The following DLGAP2 variants were observed in gnomAD, a reference collection of about 807,000 sequenced individuals.
The protein encoded by DLGAP2 is DLG associated protein 2, also known as disks large-associated protein 2.
A neutral mutation model predicts 100.3 loss-of-function variants in DLGAP2; 26 were observed. The ratio of observed to expected loss-of-function variants is 0.26; its 90% CI spans 0.19 to 0.36. DLGAP2 has a LOEUF of 0.36. Among genes scored for constraint, DLGAP2 ranks in the 10% least tolerant of loss-of-function variants. The probability of loss-of-function intolerance (pLI) is 1.00; values close to 1 mark genes in which losing one functional copy is unlikely to be tolerated. For synonymous variants in DLGAP2, 886 were observed against 630.1 expected (o/e 1.41, Z -6.08); for missense variants, 1,858 against 1,453.2 (o/e 1.28, Z -4.53).
intron 2 of DLGAP2, among the ~76,000 whole-genome samples, chr8:1,208,339 T>G (rs886549562): frequency 1.3e-5 from 2 of 152,194 alleles, no homozygotes; most frequent in East Asian, 3.8e-4. Context: ...CCGCTTATGT[T>G]TTTGTTTGGT....
At chr8:1,332,844 G>T (rs184117419) in intron 3 of DLGAP2, among the ~76,000 whole-genome samples, 1 of 152,286 alleles carries the variant, frequency 6.6e-6, no homozygotes, top group South Asian at 2.1e-4. Flanking sequence ...ATGAAAATAC[G>T]TGGGCTTCTT....
intron 2 of DLGAP2, chr8:927,228 C>T (rs1798835780): frequency 2.0e-6 from 2 of 985,228 alleles, no homozygotes; most frequent in Admixed American, 6.1e-5. Context: ...GAACATGATC[C>T]ATTATGGGGG....
chr8:1,617,354 A>G (rs183406472), intron 6 of DLGAP2, among the ~76,000 whole-genome samples: 1 of 152,282 alleles, frequency 6.6e-6, no homozygotes, highest in East Asian at 1.9e-4. Context: ...GCAGTGTATG[A>G]GCATTCCCTT....
intron 1 of DLGAP2, among the ~76,000 whole-genome samples, chr8:744,115 T>C (rs1820554623): frequency 6.6e-6 from 1 of 152,222 alleles, no homozygotes; most frequent in Admixed American, 6.5e-5. Context: ...GCCATCATCG[T>C]GGTTCTCTCA....
At chr8:806,845 A>T (rs181421046) in intron 1 of DLGAP2, among the ~76,000 whole-genome samples, 8 of 152,338 alleles carry the variant, frequency 5.3e-5, no homozygotes, top group East Asian at 3.9e-4. Flanking sequence ...ATAAAAGAAG[A>T]AGCATTAAAT....
intron 2 of DLGAP2, among the ~76,000 whole-genome samples, chr8:1,050,977 G>GGGGGCATTTTGTGGT (rs1802665183): frequency 3.6e-5 from 4 of 110,726 alleles, no homozygotes; most frequent in African/African-American, 7.3e-5. Flanking sequence ...TTCGTGGGTG[G>GGGGGCATTTTGTGGT]GGGTCATTTC....
intron 2 of DLGAP2, among the ~76,000 whole-genome samples, chr8:990,311 AC>A (rs1360918519): frequency 2.8e-5 from 4 of 145,082 alleles, no homozygotes; most frequent in African/African-American, 1.0e-4. Context: ...AGTGGCCCAG[AC>A]CCCCTGCACC....
intron 2 of DLGAP2, among the ~76,000 whole-genome samples, chr8:1,121,945 C>T (rs940242012): frequency 6.6e-6 from 1 of 152,218 alleles, no homozygotes; most frequent in African/African-American, 2.4e-5. Context: ...GGGAGACAGA[C>T]CCTCCTAGGT....
At chr8:1,495,068 C>T (rs1332644001) in intron 3 of DLGAP2, among the ~76,000 whole-genome samples, 1 of 152,196 alleles carries the variant, frequency 6.6e-6, no homozygotes, top group Non-Finnish European at 1.5e-5. Flanking sequence ...TTGCCAGGAC[C>T]GACACCAGGT....
intron 1 of DLGAP2, among the ~76,000 whole-genome samples, chr8:788,189 C>G (rs1464734996): frequency 2.0e-5 from 3 of 152,224 alleles, no homozygotes; most frequent in African/African-American, 7.2e-5. Context: ...GTACGTCGCT[C>G]CCAAATCATG....
intron 8 of DLGAP2, among the ~76,000 whole-genome samples, chr8:1,646,656 G>A (rs1403798629): frequency 6.6e-6 from 1 of 152,190 alleles, no homozygotes; most frequent in African/African-American, 2.4e-5. Context: ...TGTGTTGGGG[G>A]AATGTTCATT....
At chr8:795,747 A>ACAGGCGTCCAGAGAGAG in intron 1 of DLGAP2, among the ~76,000 whole-genome samples, 1 of 25,654 alleles carries the variant, frequency 3.9e-5, no homozygotes, top group African/African-American at 1.7e-4. Flanking sequence ...TCCAGTGAGA[A>ACAGGCGTCCAGAGAGAG]CAGGCGTCCA....
intron 3 of DLGAP2, among the ~76,000 whole-genome samples, chr8:1,381,939 T>G (rs1313474644): frequency 6.6e-6 from 1 of 152,054 alleles, no homozygotes; most frequent in Non-Finnish European, 1.5e-5. Context: ...GCACCAAGAA[T>G]GATAAAGTCT....
intron 6 of DLGAP2, among the ~76,000 whole-genome samples, chr8:1,568,311 C>T (rs1336322308): frequency 3.6e-5 from 3 of 84,338 alleles, no homozygotes; most frequent in Non-Finnish European, 6.7e-5. Flanking sequence ...GCCTCCATGC[C>T]ACTGTCCACT....
chr8:924,632 G>C (rs1376684322), intron 2 of DLGAP2, among the ~76,000 whole-genome samples: 1 of 151,880 alleles, frequency 6.6e-6, no homozygotes, highest in Non-Finnish European at 1.5e-5. Flanking sequence ...GCCCAGGCTG[G>C]AGTGCAATGG....
chr8:1,391,155 G>T (rs986895054), intron 3 of DLGAP2, among the ~76,000 whole-genome samples: 1 of 152,226 alleles, frequency 6.6e-6, no homozygotes, highest in African/African-American at 2.4e-5. Flanking sequence ...ATGAGACCCC[G>T]GTTGGCTAGA....
At chr8:792,829 T>C (rs1795945154) in intron 1 of DLGAP2, among the ~76,000 whole-genome samples, 1 of 152,256 alleles carries the variant, frequency 6.6e-6, no homozygotes, top group Non-Finnish European at 1.5e-5. Context: ...ATTATTTTAA[T>C]ACAGTGTTGG....
intron 8 of DLGAP2, among the ~76,000 whole-genome samples, chr8:1,641,978 TCCCCA>T (rs1797919307): frequency 2.6e-4 from 8 of 30,406 alleles, no homozygotes; most frequent in East Asian, 9.3e-4. Context: ...ACCCCGCCGG[TCCCCA>T]CCTGTGTCAC....
At chr8:1,437,176 C>T (rs2040987) in intron 3 of DLGAP2, among the ~76,000 whole-genome samples, 2,655 of 116,578 alleles carry the variant, frequency 0.023, 384 homozygotes, top group Admixed American at 0.043. Context: ...GTAAGGGTGA[C>T]GCCATCCGGG....
Sources: allele counts gnomAD v4.1 joint callset (sites outside exome capture counted in the v4.1 genomes callset), GRCh38; gene constraint gnomAD v4.1.1; transcripts MANE v1.5; gene names NCBI Gene and HGNC (gene_info 2026-07-23, HGNC 2026-07-21).